The following CYP20A1 variants were observed in gnomAD, a reference collection of about 807,000 sequenced individuals.
CYP20A1 encodes cytochrome P450 20A1.
Under a neutral mutation model 61.4 loss-of-function variants are expected in CYP20A1, and 61 were observed. The observed-to-expected ratio is 0.99, with a 90% confidence interval of 0.81 to 1.23. The LOEUF is 1.23. CYP20A1 is among the 50% of genes most tolerant of loss of function. CYP20A1 has a pLI of 0.00. For missense variants in CYP20A1, 530 were observed against 542.4 expected (o/e 0.98, Z 0.23); for synonymous variants, 193 against 188.2 (o/e 1.03, Z -0.21).
chr2:203,267,891 C>T (rs1398297507), intron 5 of CYP20A1, among the ~76,000 whole-genome samples: 1 of 150,202 alleles, frequency 6.7e-6, no homozygotes, highest in African/African-American at 2.4e-5. Context: ...CCAGGATTTT[C>T]TTCCAGTTGC....
At chr2:203,252,170 G>C in intron 4 of CYP20A1, 61 bp downstream of exon 4, 2 of 1,289,398 alleles carry the variant, frequency 1.6e-6, no homozygotes, top group Non-Finnish European at 2.1e-6. Flanking sequence ...TTTATTTTTT[G>C]AGTATTGGTG....
At chr2:203,268,602 T>TTG (rs1553516071) in intron 5 of CYP20A1, among the ~76,000 whole-genome samples, 1 of 152,060 alleles carries the variant, frequency 6.6e-6, no homozygotes, top group Non-Finnish European at 1.5e-5. Context: ...TTGTTTTTTT[T>TTG]TTTGTTTGTT....
At chr2:203,260,738 G>C (rs1321710998) in intron 4 of CYP20A1, among the ~76,000 whole-genome samples, 2 of 152,030 alleles carry the variant, frequency 1.3e-5, no homozygotes, top group Non-Finnish European at 2.9e-5. Context: ...TGCCCACCCT[G>C]GCCTTGAACT....
chr2:203,282,499 C>A (rs12470569), intron 8 of CYP20A1, among the ~76,000 whole-genome samples: 61,529 of 151,702 alleles, frequency 0.41, 12,879 homozygotes, highest in East Asian at 0.63. Context: ...GATTTAAAAT[C>A]CTTGTTTTTA....
Position 203,296,918 on chromosome 2 carries a change from C to T in CYP20A1, c.*10C>T. ...CTCAAAGAGATATTAAAATTTTATA[C>T]ATTTAAAATCATTGTTAAATTGATT... On this transcript the variant is annotated 3_prime_UTR_variant, in exon 13 of 13. Transcript: ENST00000356079. The T allele has an allele frequency of 1.4e-6, 2 of 1,422,744 alleles. No homozygotes were observed. The highest frequency in any genetic ancestry group is 1.9e-6 in the Non-Finnish European group (2 of 1,041,038). The allele number at this position is 1,422,744 out of a possible 1,614,324, so 88.1% of individuals were successfully genotyped here. A position where few individuals can be genotyped will look rare whatever the true frequency, so the allele number is the denominator to read the frequency against.
chr2:203,253,808 T>A (rs938579693), intron 4 of CYP20A1, among the ~76,000 whole-genome samples: 1 of 152,076 alleles, frequency 6.6e-6, no homozygotes, highest in Admixed American at 6.6e-5. Flanking sequence ...TTTTCTTTTT[T>A]TTTTTCCTTT....
In CYP20A1 at chr2:203,305,360, C is replaced by T. The variant is rs2069177434; in HGVS notation, c.*8452C>T. The T allele has an allele frequency of 6.6e-6, 1 of 151,850 alleles. No homozygotes were observed. Among genetic ancestry groups the T allele is most frequent in the South Asian group, 2.1e-4 (1 of 4,808 alleles). 9.4% of individuals were successfully genotyped at this position (151,850 alleles called of 1,614,324 possible). A position where few individuals can be genotyped will look rare whatever the true frequency, so the allele number is the denominator to read the frequency against. On this transcript the variant is annotated 3_prime_UTR_variant, in exon 13 of 13. Coordinates refer to ENST00000356079, the MANE Select transcript of CYP20A1 (RefSeq NM_177538.3). Reference sequence around the variant, plus strand: ...GGACTACAGTCGCACGCCAACCACCCCCAGCTAATTTTTTTATTTTTAGTA... The same window carrying T: ...GGACTACAGTCGCACGCCAACCACCTCCAGCTAATTTTTTTATTTTTAGTA...
rs928399939 is a variant in CYP20A1, at chr2:203,289,750, A to G, written c.972-15A>G. 1 of 1,507,108 alleles carries G rather than the reference A, an allele frequency of 6.6e-7. No individual in the cohort carries two copies. Among genetic ancestry groups the G allele is most frequent in the Non-Finnish European group, 9.0e-7 (1 of 1,117,310 alleles). 93.4% of individuals were successfully genotyped at this position (1,507,108 alleles called of 1,614,324 possible). A position where few individuals can be genotyped will look rare whatever the true frequency, so the allele number is the denominator to read the frequency against. On this transcript the variant is annotated splice_polypyrimidine_tract_variant and intron_variant, in intron 9 of 12. Coordinates refer to ENST00000356079, the MANE Select transcript of CYP20A1 (RefSeq NM_177538.3). ...CCCAAAATAAACATCTTCAAAAAAA[A>G]TTTTTTTAAAACAGATATTGTCAGC... is the stretch of plus-strand genomic sequence containing the variant.
rs1399300499 is a variant in CYP20A1 at position 203,303,872 on chromosome 2, C to G, written c.*6964C>G. Among the ~76,000 whole-genome samples the G allele has an allele frequency of 1.0e-5, 1 of 95,368 alleles. No individual in the cohort carries two copies. The highest frequency in any genetic ancestry group is 2.3e-5 in the Non-Finnish European group (1 of 43,028). The allele number at this position is 95,368 out of a possible 152,430, so 62.6% of individuals were successfully genotyped here. On this transcript the variant is annotated 3_prime_UTR_variant, in exon 13 of 13. Transcript: ENST00000356079. ...AGCTTAGGCAATAAAACAAGACTGT[C>G]TCAAAAAAAAAAAAAAAAAAAACTT... is the stretch of plus-strand genomic sequence containing the variant.
In CYP20A1 at chr2:203,299,596, C is replaced by T. The variant is rs553751933; in HGVS notation, c.*2688C>T. On this transcript the variant is annotated 3_prime_UTR_variant, in exon 13 of 13. Transcript: ENST00000356079. ...ATAACTTAAATTCTAAAACTTTGGCCGGGCGTGATGGCTCATGCCTGTAAT... is the reference window on the plus strand; with the variant it reads ...ATAACTTAAATTCTAAAACTTTGGCTGGGCGTGATGGCTCATGCCTGTAAT... Among the ~76,000 whole-genome samples the T allele has an allele frequency of 2.6e-5, 4 of 152,072 alleles. No homozygotes were observed. The highest frequency in any genetic ancestry group is 2.9e-5 in the Non-Finnish European group (2 of 67,990).
At chr2:203,257,642 A>C (rs2066942952) in intron 4 of CYP20A1, among the ~76,000 whole-genome samples, 1 of 151,880 alleles carries the variant, frequency 6.6e-6, no homozygotes, top group African/African-American at 2.4e-5. Context: ...ACAAAAAATT[A>C]GCTGGGCGTG....
rs1277102768 is a variant in CYP20A1 at position 203,298,800 on chromosome 2, C to T, written c.*1892C>T. On this transcript the variant is annotated 3_prime_UTR_variant, in exon 13 of 13. Coordinates refer to ENST00000356079, the MANE Select transcript of CYP20A1 (RefSeq NM_177538.3). ...CTGTTATCCTAACACTTTGGGAAGC[C>T]GACATGGGCAGATCACGAGGTCAAG... Among the ~76,000 whole-genome samples, 1 of 151,798 alleles carries T rather than the reference C, an allele frequency of 6.6e-6. No individual in the cohort carries two copies. The highest frequency in any genetic ancestry group is 1.5e-5 in the Non-Finnish European group (1 of 67,974).
chr2:203,240,690 C>G (rs2066226135), intron 1 of CYP20A1, among the ~76,000 whole-genome samples: 1 of 152,102 alleles, frequency 6.6e-6, no homozygotes, highest in Non-Finnish European at 1.5e-5. Context: ...CAGAGGGAGA[C>G]ACGCCTGGTG....
intron 11 of CYP20A1, among the ~76,000 whole-genome samples, chr2:203,294,194 A>G (rs965055218): frequency 1.3e-5 from 2 of 151,558 alleles, no homozygotes; most frequent in African/African-American, 4.8e-5. Flanking sequence ...ATTTTTTTCG[A>G]GACAGAATCT....
At chr2:203,286,330 T>G (rs2068269457) in intron 9 of CYP20A1, among the ~76,000 whole-genome samples, 1 of 152,116 alleles carries the variant, frequency 6.6e-6, no homozygotes, top group African/African-American at 2.4e-5. Context: ...CTTAAAAAGT[T>G]CAACATACAC....
intron 5 of CYP20A1, 55 bp downstream of exon 5, chr2:203,266,736 C>A: frequency 6.9e-7 from 1 of 1,456,460 alleles, no homozygotes; most frequent in Non-Finnish European, 9.6e-7. Flanking sequence ...CGGCAGCTCA[C>A]ACCTGTAATC....
chr2:203,285,864 A>G, intron 9 of CYP20A1, 132 bp downstream of exon 9: 2 of 759,572 alleles, frequency 2.6e-6, no homozygotes, highest in Non-Finnish European at 3.8e-6. Context: ...TGTAGATTTT[A>G]TTAGGTAAAT....
intron 4 of CYP20A1, among the ~76,000 whole-genome samples, chr2:203,256,236 T>C (rs4261698): frequency 0.44 from 67,596 of 152,108 alleles, 16,869 homozygotes; most frequent in Middle Eastern, 0.67. Flanking sequence ...CGCAAAGTGC[T>C]GGGATTGCAA....
chr2:203,277,225 A>G (rs928705574), intron 6 of CYP20A1, among the ~76,000 whole-genome samples: 3 of 151,914 alleles, frequency 2.0e-5, no homozygotes, highest in Non-Finnish European at 2.9e-5. Context: ...GCACACGCCT[A>G]TAGTCCCAGC....
Sources: gnomAD v4.1 joint callset for allele counts (sites outside exome capture counted in the v4.1 genomes callset) on GRCh38, gnomAD v4.1.1 for gene constraint, MANE v1.5 for transcripts, NCBI Gene and HGNC (gene_info 2026-07-23, HGNC 2026-07-21) for gene names.